Variants in NEGR1 observed in about 807,000 individuals in gnomAD.
NEGR1 encodes the protein IgLON family member 4.
NEGR1 carries 10 observed loss-of-function variants against 40.9 expected under a neutral mutation model. That is an observed-to-expected ratio of 0.24 (90% CI 0.15 to 0.42). The LOEUF (loss-of-function observed/expected upper bound fraction) is 0.42. Among genes scored for constraint, NEGR1 ranks in the 10% least tolerant of loss-of-function variants. The pLI, the probability that NEGR1 is intolerant of heterozygous loss-of-function variation, is 1.00. For missense variants in NEGR1, 352 were observed against 438.9 expected (o/e 0.80, Z 1.77); for synonymous variants, 185 against 166.8 (o/e 1.11, Z -0.84).
chr1:71,894,895 G>A (rs1660923872), intron 2 of NEGR1, among the ~76,000 whole-genome samples: 1 of 152,002 alleles, frequency 6.6e-6, no homozygotes, highest in Non-Finnish European at 1.5e-5. Context: ...CTTCAGCCTG[G>A]GCAACACAGT....
intron 4 of NEGR1, among the ~76,000 whole-genome samples, chr1:71,664,522 C>CT (rs1164777424): frequency 1.1e-4 from 16 of 151,990 alleles, no homozygotes; most frequent in Admixed American, 3.3e-4. Context: ...TTTTACATAT[C>CT]TTTTTTGTGT....
chr1:72,258,655 C>T (rs1378403450), intron 1 of NEGR1, among the ~76,000 whole-genome samples: 1 of 152,034 alleles, frequency 6.6e-6, no homozygotes, highest in Non-Finnish European at 1.5e-5. Context: ...TGCATATATA[C>T]AGAATGTAAG....
At chr1:72,022,282 TA>T (rs1646767193) in intron 1 of NEGR1, among the ~76,000 whole-genome samples, 1 of 114,428 alleles carries the variant, frequency 8.7e-6, no homozygotes, top group Non-Finnish European at 1.9e-5. Flanking sequence ...TATATATATA[TA>T]TATATATATA....
chr1:71,609,061 T>C (rs772658816), intron 5 of NEGR1, among the ~76,000 whole-genome samples: 14 of 152,136 alleles, frequency 9.2e-5, no homozygotes, highest in Admixed American at 2.0e-4. Flanking sequence ...ATTCTCAATA[T>C]ATAAAAATAT....
rs1350905867 is a variant in NEGR1 at position 71,412,263 on chromosome 1, G to T, written c.941-4693C>A. ...TCATTACCTCATGTCCTTTGTGCAT[G>T]CAACCTCCTTAAGCCTAGATGGCCT... is the stretch of plus-strand genomic sequence containing the variant. On this transcript the variant is annotated intron_variant, in intron 6 of 6. Transcript: ENST00000357731. 7.9e-5 allele frequency among the ~76,000 whole-genome samples: 12 copies of T among 152,156 alleles called. 2 individuals are homozygous for T. The East Asian group carries it at 2.3e-3, about 29-fold the overall frequency.
intron 6 of NEGR1, among the ~76,000 whole-genome samples, chr1:71,588,323 G>A (rs1649376155): frequency 6.6e-6 from 1 of 152,082 alleles, no homozygotes; most frequent in Non-Finnish European, 1.5e-5. Flanking sequence ...GCTATGAATA[G>A]TTGGCATACT....
chr1:72,169,941 A>G (rs926866169), intron 1 of NEGR1, among the ~76,000 whole-genome samples: 10 of 152,188 alleles, frequency 6.6e-5, no homozygotes, highest in African/African-American at 2.4e-4. Flanking sequence ...AGAAATAATA[A>G]AAGTATGTGA....
At chr1:71,872,337 T>C (rs1319821086) in intron 2 of NEGR1, among the ~76,000 whole-genome samples, 2 of 152,180 alleles carry the variant, frequency 1.3e-5, no homozygotes, top group Non-Finnish European at 2.9e-5. Flanking sequence ...CATGGTTCTA[T>C]AGACTATTCT....
At chr1:71,435,185 C>T (rs188378757) in intron 6 of NEGR1, among the ~76,000 whole-genome samples, 1 of 152,030 alleles carries the variant, frequency 6.6e-6, no homozygotes, top group Admixed American at 6.6e-5. Flanking sequence ...TTGCAAAATA[C>T]CTTTTTATGT....
At chr1:71,971,338 T>C (rs142394316) in intron 1 of NEGR1, among the ~76,000 whole-genome samples, 56 of 152,328 alleles carry the variant, frequency 3.7e-4, no homozygotes, top group African/African-American at 1.3e-3. Flanking sequence ...CATGCTTTGT[T>C]ATGACAGCCC....
At chr1:71,512,292 TAA>T (rs903764492) in intron 6 of NEGR1, among the ~76,000 whole-genome samples, 2 of 149,430 alleles carry the variant, frequency 1.3e-5, no homozygotes, top group African/African-American at 2.5e-5. Flanking sequence ...GTATATAAAT[TAA>T]AAAAAAAATA....
At chr1:72,099,214 A>G (rs1481857501) in intron 1 of NEGR1, among the ~76,000 whole-genome samples, 1 of 151,960 alleles carries the variant, frequency 6.6e-6, no homozygotes, top group Admixed American at 6.6e-5. Flanking sequence ...TAGCATTTTA[A>G]AAATTCCGTG....
chr1:71,844,392 A>G (rs1659335919), intron 2 of NEGR1, among the ~76,000 whole-genome samples: 1 of 152,122 alleles, frequency 6.6e-6, no homozygotes, highest in Non-Finnish European at 1.5e-5. Flanking sequence ...GGGTCATAAT[A>G]CTGAATCAAA....
At chr1:72,098,014 T>A (rs1648775889) in intron 1 of NEGR1, among the ~76,000 whole-genome samples, 1 of 152,198 alleles carries the variant, frequency 6.6e-6, no homozygotes, top group Non-Finnish European at 1.5e-5. Flanking sequence ...TTAAAACCTC[T>A]GATCATAATT....
chr1:72,030,579 T>C (rs1646849241), intron 1 of NEGR1, among the ~76,000 whole-genome samples: 1 of 152,170 alleles, frequency 6.6e-6, no homozygotes, highest in Non-Finnish European at 1.5e-5. Flanking sequence ...TCCTATCAAC[T>C]GTATAAGTAA....
At chr1:72,112,492 A>G (rs191045123) in intron 1 of NEGR1, among the ~76,000 whole-genome samples, 119 of 151,666 alleles carry the variant, frequency 7.8e-4, no homozygotes, top group Non-Finnish European at 1.5e-3. Flanking sequence ...ATTGTTCTGA[A>G]ACAATGTATT....
chr1:72,136,776 A>C (rs991005513), intron 1 of NEGR1, among the ~76,000 whole-genome samples: 1 of 152,174 alleles, frequency 6.6e-6, no homozygotes, highest in African/African-American at 2.4e-5. Flanking sequence ...GAGCTTCTGC[A>C]CAGCAAAAGA....
chr1:72,056,506 G>C (rs1421191283), intron 1 of NEGR1, among the ~76,000 whole-genome samples: 1 of 151,208 alleles, frequency 6.6e-6, no homozygotes, highest in African/African-American at 2.4e-5. Context: ...AATGAGAATT[G>C]AAATTAGAAT....
At chr1:71,945,641 T>C (rs899386700) in intron 1 of NEGR1, among the ~76,000 whole-genome samples, 4 of 152,020 alleles carry the variant, frequency 2.6e-5, no homozygotes, top group African/African-American at 4.8e-5. Flanking sequence ...AAGCAGAACA[T>C]GTAGAAAAAG....
Sources: gnomAD v4.1 joint callset for allele counts (sites outside exome capture counted in the v4.1 genomes callset) on GRCh38, gnomAD v4.1.1 for gene constraint, MANE v1.5 for transcripts, NCBI Gene and HGNC (gene_info 2026-07-23, HGNC 2026-07-21) for gene names.